The following MLLT3 variants were observed in gnomAD, a reference collection of about 807,000 sequenced individuals.
The protein encoded by MLLT3 is protein AF-9.
Under a neutral mutation model 53.2 loss-of-function variants are expected in MLLT3, and 4 were observed. That is an observed-to-expected ratio of 0.08 (90% CI 0.04 to 0.17). The LOEUF is 0.17. Ranked by LOEUF, MLLT3 falls within the 10% of genes least tolerant of loss-of-function variation. The pLI is 1.00. For synonymous variants in MLLT3, 283 were observed against 230.6 expected, an observed-to-expected ratio of 1.23 and a Z score of -2.06; for missense variants, 569 against 684.0, an observed-to-expected ratio of 0.83 and a Z score of 1.87.
intron 2 of MLLT3, among the ~76,000 whole-genome samples, chr9:20,586,517 G>A (rs928078294): frequency 1.1e-4 from 17 of 152,120 alleles, no homozygotes; most frequent in African/African-American, 4.1e-4. Flanking sequence ...GCAGTGGACT[G>A]GTTCTCCTTA....
At chr9:20,576,623 C>T (rs1819660624) in intron 2 of MLLT3, among the ~76,000 whole-genome samples, 1 of 152,016 alleles carries the variant, frequency 6.6e-6, no homozygotes, top group Admixed American at 6.6e-5. Context: ...ATCTAGTTCG[C>T]CATCTTATAT....
Position 20,620,017 on chromosome 9 carries a change from G to A in MLLT3, c.193+637C>T, listed in dbSNP as rs566051245. 7.6e-4 allele frequency among the ~76,000 whole-genome samples: 116 copies of A among 152,222 alleles called. 1 individual carries two copies. The South Asian group carries it at 0.023, about 30-fold the overall frequency. On this transcript the variant is annotated intron_variant, in intron 2 of 10. Transcript: ENST00000380338. The surrounding 1 kb of genome is among the most constrained non-coding windows in gnomAD (Gnocchi z 6.1). ...AGGAGCAGTCAAGTGGCACGCGGGG[G>A]TGGGAGGGAGGAACGAGTAAGCCCC...
intron 5 of MLLT3, among the ~76,000 whole-genome samples, chr9:20,401,167 C>T (rs554420767): frequency 1.3e-4 from 20 of 152,246 alleles, no homozygotes; most frequent in African/African-American, 4.1e-4. Flanking sequence ...CCAATCACTA[C>T]CTAAAATTAT....
In MLLT3 at chr9:20,350,367, G is replaced by A. The variant is rs183853338; in HGVS notation, c.1575+3158C>T. 1.1e-3 allele frequency among the ~76,000 whole-genome samples: 166 copies of A among 152,206 alleles called. 1 individual carries two copies. The highest frequency in any genetic ancestry group is 3.6e-3 in the African/African-American group (151 of 41,496). On this transcript the variant is annotated intron_variant, in intron 10 of 10. Coordinates refer to ENST00000380338, the MANE Select transcript of MLLT3 (RefSeq NM_004529.4). ...TCCCAGCACTTTGGGAGGCCAAGGC[G>A]GGCGGATCACGAGGTCAGGAGATCA...
chr9:20,511,837 T>G (rs1399112225), intron 2 of MLLT3, among the ~76,000 whole-genome samples: 1 of 152,040 alleles, frequency 6.6e-6, no homozygotes, highest in African/African-American at 2.4e-5. Context: ...CACCTATAAG[T>G]GCTCATACTG....
chr9:20,366,007 A>G (rs1587160375), intron 5 of MLLT3, among the ~76,000 whole-genome samples: 1 of 152,218 alleles, frequency 6.6e-6, no homozygotes, highest in Non-Finnish European at 1.5e-5. Context: ...TTTCACTCCT[A>G]CGTTTACTGC....
At chr9:20,535,851 A>T (rs1009474220) in intron 2 of MLLT3, among the ~76,000 whole-genome samples, 1 of 152,218 alleles carries the variant, frequency 6.6e-6, no homozygotes, top group African/African-American at 2.4e-5. Flanking sequence ...ATGCCCATCC[A>T]TTTTTAAGCT....
At chr9:20,352,586 A>G (rs1821054636) in intron 10 of MLLT3, among the ~76,000 whole-genome samples, 2 of 152,214 alleles carry the variant, frequency 1.3e-5, no homozygotes, top group African/African-American at 4.8e-5. Context: ...CAAATCTAAA[A>G]TTCTACAAGG....
At chr9:20,482,575 G>T (rs1395744022) in intron 2 of MLLT3, among the ~76,000 whole-genome samples, 4 of 152,042 alleles carry the variant, frequency 2.6e-5, no homozygotes, top group Non-Finnish European at 5.9e-5. Context: ...AATCTAAAAG[G>T]TGATATCCTA....
chr9:20,353,421 T>G lies in MLLT3; in HGVS notation c.1575+104A>C. On this transcript the variant is annotated intron_variant, in intron 10 of 10. Coordinates refer to ENST00000380338, the MANE Select transcript of MLLT3 (RefSeq NM_004529.4). ...TCTACAGGTGGCATTCGCCAGGTTC[T>G]GATAGCGTGGGGCTGCAGTGGCCTC... 3.2e-6 allele frequency: 3 copies of G among 942,314 alleles called. No individual in the cohort carries two copies. In the South Asian group the frequency reaches 4.1e-5, roughly 13 times the overall value. 58.4% of individuals were successfully genotyped at this position (942,314 alleles called of 1,614,324 possible).
At chr9:20,542,248 T>C (rs1259351564) in intron 2 of MLLT3, among the ~76,000 whole-genome samples, 1 of 148,524 alleles carries the variant, frequency 6.7e-6, no homozygotes, top group Non-Finnish European at 1.5e-5. Context: ...ATTTTTTTTT[T>C]TTTTTTTTTT....
At chr9:20,582,705 G>T (rs1374267259) in intron 2 of MLLT3, among the ~76,000 whole-genome samples, 1 of 152,138 alleles carries the variant, frequency 6.6e-6, no homozygotes, top group Non-Finnish European at 1.5e-5. Flanking sequence ...GAAAAATGAG[G>T]AAGAAGCAAA....
intron 2 of MLLT3, among the ~76,000 whole-genome samples, chr9:20,576,568 G>C (rs1246321029): frequency 1.3e-5 from 2 of 152,106 alleles, no homozygotes; most frequent in Non-Finnish European, 2.9e-5. Context: ...GGAGAGATGA[G>C]ACAATGACTG....
chr9:20,569,814 C>T (rs770832511), intron 2 of MLLT3, among the ~76,000 whole-genome samples: 4 of 152,276 alleles, frequency 2.6e-5, no homozygotes, highest in Admixed American at 6.5e-5. Flanking sequence ...CCTATGTATA[C>T]GTAAAGCTCA....
chr9:20,570,938 C>A (rs770150752), intron 2 of MLLT3, among the ~76,000 whole-genome samples: 3 of 152,122 alleles, frequency 2.0e-5, no homozygotes, highest in Non-Finnish European at 2.9e-5. Context: ...ATGAGTCATA[C>A]CTAGACTTTG....
At chr9:20,358,064 T>A (rs1475142918) in intron 8 of MLLT3, among the ~76,000 whole-genome samples, 1 of 151,864 alleles carries the variant, frequency 6.6e-6, no homozygotes, top group African/African-American at 2.4e-5. Context: ...AGTTGACTTT[T>A]AGATTTTTAA....
At chr9:20,504,255 G>C (rs1587003186) in intron 2 of MLLT3, among the ~76,000 whole-genome samples, 1 of 152,036 alleles carries the variant, frequency 6.6e-6, no homozygotes, top group African/African-American at 2.4e-5. Flanking sequence ...TTTCACTGCA[G>C]TACTAGTTAC....
chr9:20,367,768 T>C (rs1317808870), intron 5 of MLLT3, among the ~76,000 whole-genome samples: 1 of 152,210 alleles, frequency 6.6e-6, no homozygotes, highest in African/African-American at 2.4e-5. Context: ...GGTGACCAAA[T>C]TTGAGGACAA....
At position 20,344,785 on chromosome 9, in the gene MLLT3, A is replaced by G; in HGVS notation, c.*1658T>C. 2 of 207,650 alleles carry G rather than the reference A, an allele frequency of 9.6e-6. No individual in the cohort carries two copies. The highest frequency in any genetic ancestry group is 2.0e-5 in the Non-Finnish European group (2 of 101,808). 12.9% of individuals were successfully genotyped at this position (207,650 alleles called of 1,614,324 possible). A position where few individuals can be genotyped will look rare whatever the true frequency, so the allele number is the denominator to read the frequency against. On this transcript the variant is annotated 3_prime_UTR_variant, in exon 11 of 11. Coordinates refer to ENST00000380338, the MANE Select transcript of MLLT3 (RefSeq NM_004529.4). ...TGCATTTATATAACTGCCCAAAAGA[A>G]TGGGTCTGGAAAGACCATTTTCTGT...
Sources: allele counts gnomAD v4.1 joint callset (sites outside exome capture counted in the v4.1 genomes callset), GRCh38; gene constraint gnomAD v4.1.1; non-coding constraint Gnocchi (gnomAD v3.1); transcripts MANE v1.5; gene names NCBI Gene and HGNC (gene_info 2026-07-23, HGNC 2026-07-21).